Variants in EHBP1 observed in about 807,000 individuals in gnomAD.
EHBP1 encodes the protein EH domain-binding protein 1.
Under a neutral mutation model 144.0 loss-of-function variants are expected in EHBP1, and 55 were observed. The observed-to-expected ratio is 0.38, with a 90% CI of 0.31 to 0.48. The LOEUF (loss-of-function observed/expected upper bound fraction) is 0.48, where lower values mean the gene tolerates loss of function less well. Among genes scored for constraint, EHBP1 ranks in the 20% least tolerant of loss-of-function variants. The probability of loss-of-function intolerance (pLI) is 0.98; values close to 1 mark genes in which losing one functional copy is unlikely to be tolerated. For synonymous variants in EHBP1, 469 were observed against 472.7 expected (o/e 0.99, Z 0.10); for missense variants, 1,200 against 1,364.2 (o/e 0.88, Z 1.90).
intron 2 of EHBP1, 102 bp downstream of exon 2, chr2:62,707,397 C>A (rs1037702987): frequency 6.0e-6 from 5 of 832,644 alleles, no homozygotes; most frequent in Non-Finnish European, 8.1e-6. Context: ...CTATAGTGCA[C>A]TAGTGTGTAG....
chr2:62,925,158 AT>A (rs1282988349), intron 10 of EHBP1, among the ~76,000 whole-genome samples: 4 of 152,346 alleles, frequency 2.6e-5, no homozygotes, highest in Middle Eastern at 3.4e-3. Context: ...AAAATTTGAC[AT>A]TGTTCATGAT....
Position 62,771,348 on chromosome 2 carries a change from G to C in EHBP1, c.268G>C (p.Ala90Pro). The C allele has an allele frequency of 6.3e-7, 1 of 1,594,214 alleles. No homozygotes were observed. Among genetic ancestry groups the C allele is most frequent in the Non-Finnish European group, 8.5e-7 (1 of 1,170,112 alleles). The change falls in exon 5 of 23, where the codon GCG (alanine) becomes CCG (proline). Residue 90 changes from alanine (A) to proline (P), a missense_variant. By Grantham distance (27) the Ala-to-Pro change is conservative (BLOSUM62 -1). Coordinates refer to ENST00000431489, the MANE Select transcript of EHBP1 (RefSeq NM_001142616.3). ...ITVTLFKDPHAEEFEDKEWTF... is the reference protein window; with the variant it reads ...ITVTLFKDPHPEEFEDKEWTF... ...TTTGCTTTTGTTACAGGATCCTCAT[G>C]CGGAAGAATTTGAAGACAAAGAGTG...
At chr2:62,994,404 C>T (rs184982947) in intron 18 of EHBP1, among the ~76,000 whole-genome samples, 21 of 151,990 alleles carry the variant, frequency 1.4e-4, no homozygotes, top group African/African-American at 3.4e-4. Context: ...CCAGATCAGC[C>T]GTGAATTACT....
chr2:62,836,454 C>T (rs1231664150), intron 7 of EHBP1, among the ~76,000 whole-genome samples: 2 of 140,732 alleles, frequency 1.4e-5, no homozygotes, highest in East Asian at 2.1e-4. Flanking sequence ...TCCAAAGGAA[C>T]GCAGTTCCTC....
At chr2:62,685,389 G>T (rs1253374985) in intron 1 of EHBP1, among the ~76,000 whole-genome samples, 1 of 152,064 alleles carries the variant, frequency 6.6e-6, no homozygotes, top group African/African-American at 2.4e-5. Flanking sequence ...TTATGAGGGA[G>T]AGTCTGTTTC....
At chr2:63,006,792 T>G (rs1368624412) in intron 19 of EHBP1, among the ~76,000 whole-genome samples, 1 of 151,680 alleles carries the variant, frequency 6.6e-6, no homozygotes, top group Non-Finnish European at 1.5e-5. Context: ...TTCAGTACAT[T>G]TGTTAGTTTA....
chr2:62,799,092 T>G (rs938924896), intron 5 of EHBP1, among the ~76,000 whole-genome samples: 1 of 152,096 alleles, frequency 6.6e-6, no homozygotes, highest in Non-Finnish European at 1.5e-5. Flanking sequence ...ACATAGTTTT[T>G]AAGCTTTCAT....
intron 2 of EHBP1, among the ~76,000 whole-genome samples, chr2:62,730,858 ACAGG>A (rs2037492677): frequency 1.4e-5 from 2 of 138,114 alleles, no homozygotes; most frequent in Non-Finnish European, 3.2e-5. Context: ...AGAGAGACAG[ACAGG>A]CAGACAGGCA....
chr2:62,841,581 T>C (rs2047874539), intron 7 of EHBP1, among the ~76,000 whole-genome samples: 1 of 152,180 alleles, frequency 6.6e-6, no homozygotes, highest in Non-Finnish European at 1.5e-5. Context: ...TTTAAACCCT[T>C]CCCTCCAACC....
chr2:62,767,826 A>G (rs1190665692), intron 4 of EHBP1, among the ~76,000 whole-genome samples: 1 of 136,158 alleles, frequency 7.3e-6, no homozygotes, highest in Non-Finnish European at 1.6e-5. Flanking sequence ...GCAGAGCAAG[A>G]CTCTGTCAAA....
intron 10 of EHBP1, among the ~76,000 whole-genome samples, chr2:62,940,652 G>A (rs896775499): frequency 6.6e-6 from 1 of 152,090 alleles, no homozygotes; most frequent in African/African-American, 2.4e-5. Flanking sequence ...TGGAGTAGAT[G>A]ATTTCATTTA....
intron 10 of EHBP1, among the ~76,000 whole-genome samples, chr2:62,886,873 C>T (rs1193732441): frequency 6.6e-6 from 1 of 152,084 alleles, no homozygotes; most frequent in Non-Finnish European, 1.5e-5. Flanking sequence ...TATGTTGACC[C>T]TATCACAATT....
chr2:62,718,406 T>G (rs904420423), intron 2 of EHBP1, among the ~76,000 whole-genome samples: 3 of 152,356 alleles, frequency 2.0e-5, no homozygotes, highest in Non-Finnish European at 4.4e-5. Flanking sequence ...ACTAGCCACA[T>G]GTGGCTAGCG....
chr2:62,686,021 A>G (rs1339123942), intron 1 of EHBP1, among the ~76,000 whole-genome samples: 2 of 152,206 alleles, frequency 1.3e-5, no homozygotes, highest in African/African-American at 2.4e-5. Context: ...GACAAAAAAA[A>G]TAGTATTCTC....
intron 5 of EHBP1, among the ~76,000 whole-genome samples, chr2:62,820,612 GTGTT>G (rs1396131234): frequency 6.6e-6 from 1 of 150,536 alleles, no homozygotes; most frequent in Non-Finnish European, 1.5e-5. Flanking sequence ...TTGTCCTTTT[GTGTT>G]TGTTTTTTTC....
At chr2:62,774,800 G>C (rs569964175) in intron 5 of EHBP1, among the ~76,000 whole-genome samples, 1 of 152,126 alleles carries the variant, frequency 6.6e-6, no homozygotes. Flanking sequence ...AGCTGTGATC[G>C]TGACACTGCA....
chr2:62,951,576 G>A (rs1243967093), intron 13 of EHBP1, among the ~76,000 whole-genome samples: 1 of 142,378 alleles, frequency 7.0e-6, no homozygotes, highest in East Asian at 2.2e-4. Context: ...CCAGGCTAGA[G>A]TGCAGTGGCG....
intron 10 of EHBP1, among the ~76,000 whole-genome samples, chr2:62,890,546 T>G (rs2052370791): frequency 4.6e-5 from 7 of 152,180 alleles, no homozygotes; most frequent in Admixed American, 3.9e-4. Flanking sequence ...GCTCGACTGT[T>G]TTTGGTGTGT....
At chr2:62,861,985 A>G (rs1215581582) in intron 8 of EHBP1, among the ~76,000 whole-genome samples, 1 of 152,138 alleles carries the variant, frequency 6.6e-6, no homozygotes, top group Non-Finnish European at 1.5e-5. Flanking sequence ...GTTAATACAA[A>G]ATTGGATAGG....
Sources: gnomAD v4.1 joint callset for allele counts (sites outside exome capture counted in the v4.1 genomes callset) on GRCh38, gnomAD v4.1.1 for gene constraint, MANE v1.5 for transcripts, NCBI Gene and HGNC (gene_info 2026-07-23, HGNC 2026-07-21) for gene names.